The following MYO1B variants were observed in gnomAD, a reference collection of about 807,000 sequenced individuals.
MYO1B encodes the protein unconventional myosin-Ib.
In MYO1B, 72 loss-of-function variants were observed where a neutral mutation model predicts 159.7. That is an observed-to-expected ratio of 0.45 (90% CI 0.37 to 0.55). MYO1B has a LOEUF of 0.55. Ranked by LOEUF, MYO1B falls within the 20% of genes least tolerant of loss-of-function variation. The pLI is 0.00. For synonymous variants in MYO1B, 468 were observed against 473.8 expected, an observed-to-expected ratio of 0.99 and a Z score of 0.16; for missense variants, 1,062 against 1,364.8, an observed-to-expected ratio of 0.78 and a Z score of 3.50.
At chr2:191,326,097 G>A (rs1466556918) in intron 3 of MYO1B, among the ~76,000 whole-genome samples, 1 of 152,154 alleles carries the variant, frequency 6.6e-6, no homozygotes, top group Admixed American at 6.5e-5. Flanking sequence ...TTACGCTATC[G>A]TCATTATATT....
At chr2:191,364,301 G>A (rs781102508) in intron 11 of MYO1B, 25 bp downstream of exon 11, 23 of 1,548,698 alleles carry the variant, frequency 1.5e-5, no homozygotes, top group South Asian at 6.8e-5. Context: ...ATGTACAGAC[G>A]AAAGTTTCTT....
intron 3 of MYO1B, among the ~76,000 whole-genome samples, chr2:191,322,379 T>C (rs1386679594): frequency 6.6e-6 from 1 of 152,146 alleles, no homozygotes; most frequent in Admixed American, 6.6e-5. Context: ...CTTATCTGCT[T>C]CCTAATGTGT....
rs960504902 is a variant in MYO1B, at chr2:191,305,990, G to A, written c.251+9764G>A. ...TGCCCACCGTGAGCCATGTACTAGT[G>A]TACCTACTGGGGACACAATGGACAA... On this transcript the variant is annotated intron_variant, in intron 3 of 30. Coordinates refer to ENST00000392318, the MANE Select transcript of MYO1B (RefSeq NM_001130158.3). 2.6e-5 allele frequency among the ~76,000 whole-genome samples: 4 copies of A among 152,144 alleles called. No individual in the cohort carries two copies. In the South Asian group the frequency reaches 8.3e-4, roughly 32 times the overall value.
intron 26 of MYO1B, among the ~76,000 whole-genome samples, chr2:191,409,482 CTCTT>C (rs1002288475): frequency 2.0e-5 from 3 of 152,190 alleles, no homozygotes; most frequent in African/African-American, 7.2e-5. Context: ...ATTTGTTTCT[CTCTT>C]TGTCTAAAGG....
intron 30 of MYO1B, among the ~76,000 whole-genome samples, chr2:191,422,319 T>TC (rs1409500989): frequency 2.0e-5 from 3 of 152,070 alleles, no homozygotes; most frequent in East Asian, 3.9e-4. Context: ...AGCTCTCATG[T>TC]CCCCCAGTGA....
intron 24 of MYO1B, 54 bp from the exon 25 acceptor site, chr2:191,408,061 T>C (rs1697035350): frequency 8.3e-7 from 1 of 1,202,522 alleles, no homozygotes; most frequent in African/African-American, 1.5e-5. Context: ...TGTATCATTA[T>C]GGACCTGTAC....
At chr2:191,361,431 A>G (rs1485050153) in intron 8 of MYO1B, among the ~76,000 whole-genome samples, 2 of 152,158 alleles carry the variant, frequency 1.3e-5, no homozygotes, top group Non-Finnish European at 2.9e-5. Context: ...CAAAGATACT[A>G]TCTAATAGCT....
In MYO1B at chr2:191,410,273, T is replaced by C. The variant is rs1697178041; in HGVS notation, c.2767-793T>C. On this transcript the variant is annotated intron_variant, in intron 26 of 30. Coordinates refer to ENST00000392318, the MANE Select transcript of MYO1B (RefSeq NM_001130158.3). ...GATTGGAGGTGGGAGATGAGGGCTG[T>C]TTATTCCTGAAGGGAGCCTTTCCAT... 1.3e-5 allele frequency among the ~76,000 whole-genome samples: 2 copies of C among 152,188 alleles called. 1 individual carries two copies. The highest frequency in any genetic ancestry group is 4.1e-4 in the South Asian group (2 of 4,834).
intron 3 of MYO1B, among the ~76,000 whole-genome samples, chr2:191,297,225 T>G (rs1441483085): frequency 6.6e-6 from 1 of 152,192 alleles, no homozygotes; most frequent in Non-Finnish European, 1.5e-5. Flanking sequence ...GCTTGTTGCT[T>G]AGGCAGAAAC....
intron 3 of MYO1B, among the ~76,000 whole-genome samples, chr2:191,319,040 C>G (rs1023787562): frequency 2.6e-5 from 4 of 152,024 alleles, no homozygotes; most frequent in Non-Finnish European, 5.9e-5. Flanking sequence ...TAGGCTAACT[C>G]CAGTAAGGAA....
At chr2:191,421,278 C>G (rs1323798143) in intron 30 of MYO1B, among the ~76,000 whole-genome samples, 4 of 151,768 alleles carry the variant, frequency 2.6e-5, no homozygotes, top group Non-Finnish European at 5.9e-5. Context: ...CCGTCTTGGC[C>G]AGGCTGGTTC....
Position 191,385,935 on chromosome 2 carries a change from A to G in MYO1B, c.1405A>G (p.Thr469Ala). Residue 469 changes from threonine (T) to alanine (A), a missense_variant, in exon 16 of 31, where the codon ACA becomes GCA. This residue lies in a region of MYO1B where 9 missense variants were observed against 31.9 expected (regional missense o/e 0.28). Transcript: ENST00000392318. ...GGATGAAGAGTGCCTCAGACCTGGC[A>G]CAGTCACTGATGAGACCTTCTTAGA... ...MLDEECLRPG[T>A]VTDETFLEKL... 1 of 1,614,202 alleles carries G rather than the reference A, an allele frequency of 6.2e-7. No individual in the cohort carries two copies. Among genetic ancestry groups the G allele is most frequent in the Non-Finnish European group, 8.5e-7 (1 of 1,180,014 alleles).
chr2:191,337,852 GT>G (rs934755579), intron 4 of MYO1B, among the ~76,000 whole-genome samples: 2 of 151,970 alleles, frequency 1.3e-5, no homozygotes, highest in Admixed American at 1.3e-4. Flanking sequence ...CAGAAATGCA[GT>G]TTTTCATTAT....
At chr2:191,345,568 C>T (rs1025873794) in intron 5 of MYO1B, among the ~76,000 whole-genome samples, 1 of 152,138 alleles carries the variant, frequency 6.6e-6, no homozygotes, top group Non-Finnish European at 1.5e-5. Context: ...CAGGAAACAG[C>T]TAAGATTGGA....
chr2:191,290,239 C>T (rs1688616563), intron 2 of MYO1B, among the ~76,000 whole-genome samples: 1 of 151,890 alleles, frequency 6.6e-6, no homozygotes, highest in Non-Finnish European at 1.5e-5. Context: ...TTTCTTTGTC[C>T]CTCCCTACTC....
At chr2:191,293,404 A>C (rs1323670856) in intron 2 of MYO1B, among the ~76,000 whole-genome samples, 2 of 152,226 alleles carry the variant, frequency 1.3e-5, no homozygotes, top group Admixed American at 1.3e-4. Context: ...GGGTTCTTGG[A>C]TCTCACGCAA....
At chr2:191,348,512 C>G (rs1490775651) in intron 6 of MYO1B, among the ~76,000 whole-genome samples, 2 of 152,178 alleles carry the variant, frequency 1.3e-5, no homozygotes, top group African/African-American at 4.8e-5. Context: ...TCCTTTGTAG[C>G]TGCTTCACCT....
Position 191,276,912 on chromosome 2 carries a change from T to C in MYO1B, c.17T>C (p.Val6Ala), listed in dbSNP as rs1388368707. 6.2e-7 allele frequency: 1 copy of C among 1,609,766 alleles called. No individual in the cohort carries two copies. Among genetic ancestry groups the C allele is most frequent in the East Asian group, 2.2e-5 (1 of 44,826 alleles). Residue 6 changes from valine to alanine, a missense_variant, in exon 2 of 31, where the codon GTG (valine) becomes GCG (alanine). Transcript: ENST00000392318. MAKME[V>A]KTSLLDNMIG... Reference sequence around the variant, plus strand: ...CTGGAGACCATGGCCAAAATGGAGGTGAAAACCTCACTTCTGGACAATATG... The same window carrying C: ...CTGGAGACCATGGCCAAAATGGAGGCGAAAACCTCACTTCTGGACAATATG...
At chr2:191,407,822 A>C (rs867290603) in intron 24 of MYO1B, 15 of 218,880 alleles carry the variant, frequency 6.9e-5, no homozygotes, top group Middle Eastern at 3.0e-3. Context: ...ATTGGGGATG[A>C]GTTTGCAGCT....
Sources: allele counts gnomAD v4.1 joint callset (sites outside exome capture counted in the v4.1 genomes callset), GRCh38; gene constraint gnomAD v4.1.1; regional missense constraint gnomAD v4.1.1; transcripts MANE v1.5; gene names NCBI Gene and HGNC (gene_info 2026-07-23, HGNC 2026-07-21).